The following DPP10 variants were observed in gnomAD, a reference collection of about 807,000 sequenced individuals.
DPP10 encodes the protein dipeptidyl peptidase like 10, also known as inactive dipeptidyl peptidase 10.
In DPP10, 33 loss-of-function variants were observed where a neutral mutation model predicts 120.9. The ratio of observed to expected loss-of-function variants is 0.27; its 90% CI spans 0.21 to 0.37. The LOEUF is 0.37. Among genes scored for constraint, DPP10 ranks in the 10% least tolerant of loss-of-function variants. The pLI is 1.00. For synonymous variants in DPP10, 337 were observed against 326.1 expected, an observed-to-expected ratio of 1.03 and a Z score of -0.36; for missense variants, 816 against 942.8, an observed-to-expected ratio of 0.87 and a Z score of 1.76.
chr2:114,442,822 CCTCAAAAA>C lies in DPP10; in HGVS notation c.46_53del (p.Ser16AsnfsTer7). The C allele has an allele frequency of 6.2e-7, 1 of 1,613,366 alleles. No homozygotes were observed. Among genetic ancestry groups the C allele is most frequent in the South Asian group, 1.1e-5 (1 of 91,076 alleles). On this transcript the variant is annotated frameshift_variant, in exon 1 of 26. Transcript: ENST00000410059. LOFTEE classifies it high-confidence loss of function. The stretch of plus-strand genomic sequence containing the variant: ...GTGTCCCATCACATCAAGTGTCAAC[CCTCAAAAA>C]CAATCAAGGTAGGATCTGGTTTTTC...
intron 3 of DPP10, among the ~76,000 whole-genome samples, chr2:115,445,445 A>T (rs536760008): frequency 2.6e-5 from 4 of 152,314 alleles, no homozygotes; most frequent in South Asian, 2.1e-4. Context: ...CAAAATGGTG[A>T]TAGTGATGTG....
chr2:115,691,682 C>A (rs2091324088), intron 7 of DPP10, among the ~76,000 whole-genome samples: 1 of 152,048 alleles, frequency 6.6e-6, no homozygotes, highest in Non-Finnish European at 1.5e-5. Flanking sequence ...ATATGAATGT[C>A]ACAATTGTCT....
intron 1 of DPP10, among the ~76,000 whole-genome samples, chr2:114,460,903 G>T (rs1268373008): frequency 6.6e-6 from 1 of 152,246 alleles, no homozygotes; most frequent in South Asian, 2.1e-4. Context: ...TGATATAATT[G>T]TTTGTAGATG....
rs1023301497 is a variant in DPP10, at chr2:114,616,301, C to T, written c.60+173463C>T. 3.9e-5 allele frequency among the ~76,000 whole-genome samples: 6 copies of T among 152,188 alleles called. No individual in the cohort carries two copies. In the East Asian group the frequency reaches 1.2e-3, roughly 29 times the overall value. The stretch of plus-strand genomic sequence containing the variant: ...GGTTTTGGTGTAATGACTTGCTGTA[C>T]CCAGTGGAATACGTTGGGCCAATGA... On this transcript the variant is annotated intron_variant, in intron 1 of 25. Coordinates refer to ENST00000410059, the MANE Select transcript of DPP10 (RefSeq NM_020868.6).
At chr2:115,385,298 T>G (rs1332946680) in intron 3 of DPP10, among the ~76,000 whole-genome samples, 1 of 151,958 alleles carries the variant, frequency 6.6e-6, no homozygotes, top group East Asian at 1.9e-4. Context: ...GAGTCCTTCT[T>G]CAGTCGATCA....
rs1406419905 is a variant in DPP10 at position 115,525,985 on chromosome 2, T to A, written c.441+13T>A. On this transcript the variant is annotated intron_variant, in intron 5 of 25. Transcript: ENST00000410059. ...TGATGTCAAACAGGTAAAGGAGTGA[T>A]CTTCTTTGAGAATACTTTTCTTTGT... The A allele has an allele frequency of 2.5e-6, 4 of 1,588,970 alleles. No individual in the cohort carries two copies. Among genetic ancestry groups the A allele is most frequent in the Admixed American group, 1.7e-5 (1 of 57,236 alleles).
intron 2 of DPP10, among the ~76,000 whole-genome samples, chr2:115,327,023 A>T (rs1041297496): frequency 6.6e-6 from 1 of 152,072 alleles, no homozygotes; most frequent in Non-Finnish European, 1.5e-5. Context: ...AGTAACTTCC[A>T]ATCCTACAAG....
At chr2:114,590,497 A>G (rs1303103301) in intron 1 of DPP10, among the ~76,000 whole-genome samples, 2 of 152,246 alleles carry the variant, frequency 1.3e-5, no homozygotes, top group East Asian at 3.8e-4. Flanking sequence ...GGCACAATAC[A>G]TGTTAAGTTT....
Position 114,521,426 on chromosome 2 carries a change from G to C in DPP10, c.60+78588G>C, listed in dbSNP as rs367969577. 1.8e-4 allele frequency among the ~76,000 whole-genome samples: 27 copies of C among 151,942 alleles called. 1 individual carries two copies. Among genetic ancestry groups the C allele is most frequent in the African/African-American group, 6.3e-4 (26 of 41,458 alleles). On this transcript the variant is annotated intron_variant, in intron 1 of 25. Coordinates refer to ENST00000410059, the MANE Select transcript of DPP10 (RefSeq NM_020868.6). ...AAAATAGCATCCATGAGCATAGAAG[G>C]CTTGAAATAATCACAGAAAAAGAAA...
chr2:114,500,019 C>T (rs1248896880), intron 1 of DPP10, among the ~76,000 whole-genome samples: 1 of 152,222 alleles, frequency 6.6e-6, no homozygotes. Flanking sequence ...ACTGGCCCCT[C>T]TCCTTTCTGC....
intron 1 of DPP10, among the ~76,000 whole-genome samples, chr2:114,730,364 C>A (rs1331787645): frequency 1.3e-5 from 2 of 152,148 alleles, no homozygotes; most frequent in East Asian, 1.9e-4. Context: ...ACAAACCACC[C>A]AAAGTGGTGG....
At chr2:115,538,596 A>G (rs934022131) in intron 5 of DPP10, among the ~76,000 whole-genome samples, 10 of 152,038 alleles carry the variant, frequency 6.6e-5, no homozygotes, top group African/African-American at 1.9e-4. Flanking sequence ...AGTGAATTTA[A>G]GCATGCATTT....
At chr2:115,125,592 A>C (rs1030393213) in intron 1 of DPP10, among the ~76,000 whole-genome samples, 3 of 94,490 alleles carry the variant, frequency 3.2e-5, no homozygotes, top group African/African-American at 1.2e-4. Flanking sequence ...TTTTTTTGAG[A>C]CAGAGTCCTC....
intron 17 of DPP10, among the ~76,000 whole-genome samples, chr2:115,785,839 G>T (rs1279633824): frequency 1.0e-4 from 15 of 143,818 alleles, no homozygotes; most frequent in South Asian, 4.3e-4. Flanking sequence ...TCTGATGTGG[G>T]TTTTTTTTTT....
intron 21 of DPP10, among the ~76,000 whole-genome samples, chr2:115,820,126 T>G (rs1445782139): frequency 1.3e-5 from 2 of 152,232 alleles, no homozygotes. Context: ...AGGATAAGTC[T>G]ATGTCTTCTG....
intron 1 of DPP10, among the ~76,000 whole-genome samples, chr2:114,901,026 A>G (rs1693517666): frequency 6.6e-6 from 1 of 152,226 alleles, no homozygotes. Flanking sequence ...AAGAGCATCT[A>G]TCAGAAAAAC....
At chr2:115,650,402 A>T (rs2087652838) in intron 5 of DPP10, among the ~76,000 whole-genome samples, 1 of 95,288 alleles carries the variant, frequency 1.0e-5, no homozygotes, top group South Asian at 4.9e-4. Flanking sequence ...ACATGCTGGC[A>T]TGGGGAAAGG....
At chr2:115,826,548 C>T (rs1215588478) in intron 21 of DPP10, among the ~76,000 whole-genome samples, 1 of 152,090 alleles carries the variant, frequency 6.6e-6, no homozygotes, top group African/African-American at 2.4e-5. Flanking sequence ...TGGTAAAACA[C>T]CGTCTCTACT....
chr2:115,189,759 G>A (rs953584961), intron 1 of DPP10, among the ~76,000 whole-genome samples: 3 of 152,018 alleles, frequency 2.0e-5, no homozygotes, highest in African/African-American at 2.4e-5. Context: ...ATGAGTCTGC[G>A]CCCCAGCCCA....
Sources: allele counts gnomAD v4.1 joint callset (sites outside exome capture counted in the v4.1 genomes callset), GRCh38; gene constraint gnomAD v4.1.1; transcripts MANE v1.5; gene names NCBI Gene and HGNC (gene_info 2026-07-23, HGNC 2026-07-21).